The following PSG9 variants were observed in gnomAD, a reference collection of about 807,000 sequenced individuals.
The protein encoded by PSG9 is pregnancy specific beta-1-glycoprotein 9.
Under a neutral mutation model 41.9 loss-of-function variants are expected in PSG9, and 49 were observed. That is an observed-to-expected ratio of 1.17 (90% CI 0.93 to 1.48). The LOEUF (loss-of-function observed/expected upper bound fraction) is 1.48. PSG9 is among the 40% of genes most tolerant of loss of function. The pLI, the probability that PSG9 is intolerant of heterozygous loss-of-function variation, is 0.00. For synonymous variants in PSG9, 263 were observed against 196.8 expected, an observed-to-expected ratio of 1.34 and a Z score of -2.82; for missense variants, 641 against 520.3, an observed-to-expected ratio of 1.23 and a Z score of -2.26.
intron 3 of PSG9, among the ~76,000 whole-genome samples, chr19:43,261,367 A>T (rs1371131347): frequency 6.6e-6 from 1 of 152,164 alleles, no homozygotes; most frequent in Non-Finnish European, 1.5e-5. Context: ...ATGCTCTGCC[A>T]GTGGGTGAGA....
At chr19:43,262,353 T>G (rs534956645) in intron 2 of PSG9, among the ~76,000 whole-genome samples, 1 of 152,078 alleles carries the variant, frequency 6.6e-6, no homozygotes, top group Non-Finnish European at 1.5e-5. Context: ...CAGACTTTCT[T>G]AAGTGTGAAT....
Position 43,269,507 on chromosome 19 carries a change from C to G in PSG9, c.-76G>C. On this transcript the variant is annotated 5_prime_UTR_variant, in exon 1 of 6. Transcript: ENST00000270077. The stretch of plus-strand genomic sequence containing the variant: ...GAAGCTGTCTGAGCACGGCTGTCAG[C>G]TGTGCTGTCCTTCCTCCTTCTGTGC... 3.2e-6 allele frequency: 5 copies of G among 1,587,288 alleles called. No homozygotes were observed. Among genetic ancestry groups the G allele is most frequent in the East Asian group, 2.3e-5 (1 of 44,418 alleles).
Position 43,258,202 on chromosome 19 carries a change from C to A in PSG9, c.1243G>T (p.Gly415Cys), listed in dbSNP as rs766601891. 3 of 1,592,656 alleles carry A rather than the reference C, an allele frequency of 1.9e-6. No homozygotes were observed. Among genetic ancestry groups the A allele is most frequent in the South Asian group, 1.1e-5 (1 of 89,970 alleles). ...GCCAAGGATGCTGGGATCCACTTAC[C>A]AGAGACTTTGACTGTCATGGATTTG... is the stretch of plus-strand genomic sequence containing the variant. ...ISKSMTVKVS[G>C]PCHGDLTESQ... Residue 415 changes from glycine (G) to cysteine (C), a missense_variant and splice_region_variant, in exon 5 of 6, where the codon GGT (glycine) becomes TGT (cysteine). Coordinates refer to ENST00000270077, the MANE Select transcript of PSG9 (RefSeq NM_002784.5).
At chr19:43,268,254 A>T in intron 1 of PSG9, 105 bp from the exon 2 acceptor site, 1 of 1,412,902 alleles carries the variant, frequency 7.1e-7, no homozygotes, top group Non-Finnish European at 9.6e-7. Flanking sequence ...AGCCTTGAAG[A>T]TACACACACG....
chr19:43,264,875 A>G (rs1225152560), intron 2 of PSG9, among the ~76,000 whole-genome samples: 1 of 152,152 alleles, frequency 6.6e-6, no homozygotes, highest in Non-Finnish European at 1.5e-5. Context: ...AGTCTCTAGG[A>G]AGTGACCAGA....
chr19:43,256,291 T>C (rs1968442432), intron 5 of PSG9, among the ~76,000 whole-genome samples: 1 of 146,984 alleles, frequency 6.8e-6, no homozygotes, highest in Admixed American at 6.8e-5. Context: ...TTCCCAATGA[T>C]TTCTTGGTTG....
In PSG9 at chr19:43,262,169, G is replaced by C. The variant is rs1968755159; in HGVS notation, c.431-31C>G. 3.1e-6 allele frequency: 5 copies of C among 1,596,706 alleles called. No homozygotes were observed. In the East Asian group the frequency reaches 1.1e-4, roughly 36 times the overall value. ...CAGAAAACAGAGAGAAGATTGCCCT[G>C]TGTGGCACCTTTGATTCCTCCAAAG... On this transcript the variant is annotated intron_variant, in intron 2 of 5. Transcript: ENST00000270077.
intron 5 of PSG9, chr19:43,257,461 C>G (rs1248331935): frequency 1.3e-5 from 13 of 977,304 alleles, no homozygotes; most frequent in Middle Eastern, 5.3e-4. Context: ...GCATCAGTCA[C>G]TGTCCTCCGT....
chr19:43,253,730 G>A, intron 5 of PSG9, 84 bp from the exon 6 acceptor site: 1 of 831,064 alleles, frequency 1.2e-6, no homozygotes, highest in Non-Finnish European at 1.9e-6. Context: ...AGGCTCCCAG[G>A]AAGGGTGTGA....
chr19:43,255,238 T>A lies in PSG9; in HGVS notation c.1244-1592A>T, dbSNP rs546044335. On this transcript the variant is annotated intron_variant, in intron 5 of 5. Coordinates refer to ENST00000270077, the MANE Select transcript of PSG9 (RefSeq NM_002784.5). ...GATAACCTAGATGAAATGGACCAAC[T>A]CCTAGAACCACACAAAAATATGAGT... is the stretch of plus-strand genomic sequence containing the variant. 2.5e-4 allele frequency among the ~76,000 whole-genome samples: 37 copies of A among 146,476 alleles called. 9 individuals carry two copies. The highest frequency in any genetic ancestry group is 2.4e-3 in the Admixed American group (35 of 14,742).
At chr19:43,255,292 C>T (rs1968408610) in intron 5 of PSG9, among the ~76,000 whole-genome samples, 1 of 145,730 alleles carries the variant, frequency 6.9e-6, no homozygotes, top group Admixed American at 6.8e-5. Flanking sequence ...AAGATTGAAT[C>T]AATAAAAGCA....
At position 43,259,002 on chromosome 19, in the gene PSG9, G is replaced by C. The variant is rs2355448; in HGVS notation, c.843C>G (p.Pro281=). 4.1e-5 allele frequency: 66 copies of C among 1,590,568 alleles called. 8 individuals carry two copies. Among genetic ancestry groups the C allele is most frequent in the Middle Eastern group, 2.3e-4 (1 of 4,422 alleles). Residue 281 remains proline (P), a synonymous_variant, in exon 4 of 6, where the codon CCC becomes CCG. Transcript: ENST00000270077. ...YIWWLNGQSL[P]VSPGVKRPIE... ...TGGGTCGCTTTACCCCGGGACTGAC[G>C]GGGAGGCTCTGACCGTTTAGCCACC... is the stretch of plus-strand genomic sequence containing the variant.
rs529871361 is a variant in PSG9, at chr19:43,254,213, C to G, written c.1244-567G>C. The stretch of plus-strand genomic sequence containing the variant: ...CATTTAAGCCACACAATAACCCTGT[C>G]ACATAGACATTATTTCCATTTTGCC... On this transcript the variant is annotated intron_variant, in intron 5 of 5. Coordinates refer to ENST00000270077, the MANE Select transcript of PSG9 (RefSeq NM_002784.5). 5.3e-3 allele frequency among the ~76,000 whole-genome samples: 782 copies of G among 146,332 alleles called. 117 individuals are homozygous for G. The highest frequency in any genetic ancestry group is 0.02 in the African/African-American group (764 of 38,492).
At chr19:43,264,202 C>T (rs1344439775) in intron 2 of PSG9, among the ~76,000 whole-genome samples, 1 of 152,086 alleles carries the variant, frequency 6.6e-6, no homozygotes, top group African/African-American at 2.4e-5. Flanking sequence ...TCCCCAAAAA[C>T]CACCAGTATT....
chr19:43,261,928 G>C lies in PSG9; in HGVS notation c.641C>G (p.Pro214Arg), dbSNP rs765310727. Residue 214 changes from proline (P) to arginine (R), a missense_variant, in exon 3 of 6, where the codon CCC becomes CGC. Pro to Arg is a moderately radical substitution (Grantham distance 103, BLOSUM62 -2). Transcript: ENST00000270077. The stretch of plus-strand genomic sequence containing the variant: ...TGGGTTCCGTATTTCACATTCATAG[G>C]GTCCTGCAATATACTTTGTGACACC... ...LFGVTKYIAG[P>R]YECEIRNPVS... 52 of 1,613,888 alleles carry C rather than the reference G, an allele frequency of 3.2e-5. 1 individual carries two copies. The Middle Eastern group carries it at 9.9e-4, about 31-fold the overall frequency.
intron 2 of PSG9, among the ~76,000 whole-genome samples, chr19:43,266,101 CAGAG>C (rs1568419548): frequency 6.6e-6 from 1 of 151,190 alleles, no homozygotes; most frequent in Non-Finnish European, 1.5e-5. Context: ...CACAGAGAAG[CAGAG>C]AGAGGCAGAG....
chr19:43,258,051 G>T, intron 5 of PSG9, 151 bp downstream of exon 5: 1 of 1,581,430 alleles, frequency 6.3e-7, no homozygotes, highest in South Asian at 1.1e-5. Context: ...AGTCTGTAGA[G>T]ACAAATTGGG....
intron 2 of PSG9, among the ~76,000 whole-genome samples, chr19:43,263,606 AT>A (rs899023355): frequency 4.0e-5 from 6 of 151,462 alleles, no homozygotes; most frequent in African/African-American, 9.7e-5. Context: ...AAAAAAAAAA[AT>A]TTGGAGGAAA....
rs1599843803 is a variant in PSG9, at chr19:43,268,250, G to A, written c.65-101C>T. On this transcript the variant is annotated intron_variant, in intron 1 of 5. Coordinates refer to ENST00000270077, the MANE Select transcript of PSG9 (RefSeq NM_002784.5). ...GAAGGTCTCTTCCATCCTCAGCCTT[G>A]AAGATACACACACGCACACATACAA... is the stretch of plus-strand genomic sequence containing the variant. The A allele has an allele frequency of 2.8e-6, 4 of 1,429,038 alleles. No homozygotes were observed. The East Asian group carries it at 6.9e-5, about 25-fold the overall frequency. 88.5% of individuals were successfully genotyped at this position (1,429,038 alleles called of 1,614,324 possible).
Sources: gnomAD v4.1 joint callset for allele counts (sites outside exome capture counted in the v4.1 genomes callset) on GRCh38, gnomAD v4.1.1 for gene constraint, MANE v1.5 for transcripts, NCBI Gene and HGNC (gene_info 2026-07-23, HGNC 2026-07-21) for gene names.